Variants in MALRD1 observed in about 807,000 individuals in gnomAD.
The protein encoded by MALRD1 is MAM and LDL-receptor class A domain-containing protein 1.
MALRD1 carries 247 observed loss-of-function variants against 242.1 expected under a neutral mutation model. The observed-to-expected ratio is 1.02, with a 90% CI of 0.92 to 1.13. The LOEUF (loss-of-function observed/expected upper bound fraction) is 1.13, where lower values mean the gene tolerates loss of function less well. Ranked by LOEUF, MALRD1 falls within the 50% of genes most tolerant of loss-of-function variation. The pLI is 0.00. For missense variants in MALRD1, 2,989 were observed against 2,533.1 expected (o/e 1.18, Z -3.86); for synonymous variants, 995 against 866.6 (o/e 1.15, Z -2.60).
In MALRD1 at chr10:19,348,046, A is replaced by C. The variant is rs1478612344; in HGVS notation, c.4149+28A>C. On this transcript the variant is annotated intron_variant, in intron 25 of 39. Coordinates refer to ENST00000454679, the MANE Select transcript of MALRD1 (RefSeq NM_001142308.3). ...ATGGGGAAAATCGAACCAACCAACC[A>C]AACAAACACAGAATTATTGTGAGCA... The C allele has an allele frequency of 3.2e-6, 5 of 1,541,616 alleles. No individual in the cohort carries two copies. In the African/African-American group the frequency reaches 4.1e-5, roughly 13 times the overall value.
At chr10:19,175,933 A>C (rs1209094913) in intron 14 of MALRD1, among the ~76,000 whole-genome samples, 2 of 152,138 alleles carry the variant, frequency 1.3e-5, no homozygotes, top group Admixed American at 1.3e-4. Context: ...ATAGTCAACT[A>C]TGTATTTTAA....
intron 33 of MALRD1, among the ~76,000 whole-genome samples, chr10:19,572,701 A>G (rs1339547605): frequency 6.6e-6 from 1 of 152,202 alleles, no homozygotes; most frequent in Non-Finnish European, 1.5e-5. Flanking sequence ...ATTTTGAAGT[A>G]CGGTGGGCCC....
At chr10:19,389,075 T>A (rs1183796962) in intron 27 of MALRD1, 2 of 351,548 alleles carry the variant, frequency 5.7e-6, no homozygotes, top group Non-Finnish European at 1.1e-5. Flanking sequence ...GATGACTAAA[T>A]TTTTAAAAGC....
In MALRD1 at chr10:19,175,295, A is replaced by G; in HGVS notation, c.1918A>G (p.Lys640Glu). The change falls in exon 14 of 40, where the codon AAA becomes GAA. Residue 640 changes from lysine (K) to glutamate (E), a missense_variant. Transcript: ENST00000454679. ...GTCCCAGGAATGTGAAATTTCCTAT[A>G]AATCACTACCAAGGACCAGTACACA... ...SVSQECEISY[K>E]SLPRTSTQSK... 1 of 1,230,622 alleles carries G rather than the reference A, an allele frequency of 8.1e-7. No individual in the cohort carries two copies. The highest frequency in any genetic ancestry group is 1.0e-6 in the Non-Finnish European group (1 of 987,338). 76.2% of individuals were successfully genotyped at this position (1,230,622 alleles called of 1,614,324 possible).
chr10:19,231,236 G>GAGATTAGCTGAGGTATTTGCCCTT (rs1838053168), intron 18 of MALRD1, among the ~76,000 whole-genome samples: 1 of 152,138 alleles, frequency 6.6e-6, no homozygotes, highest in South Asian at 2.1e-4. Context: ...GCTCCCCCTT[G>GAGATTAGCTGAGGTATTTGCCCTT]AGATTAGCTG....
At chr10:19,275,536 G>T (rs778860338) in intron 19 of MALRD1, among the ~76,000 whole-genome samples, 2 of 152,180 alleles carry the variant, frequency 1.3e-5, no homozygotes, top group Non-Finnish European at 2.9e-5. Context: ...TGGCGTGGTG[G>T]CGGGCGCCTG....
chr10:19,535,508 C>T (rs112498444), intron 32 of MALRD1, among the ~76,000 whole-genome samples: 2 of 148,178 alleles, frequency 1.3e-5, no homozygotes, highest in African/African-American at 5.0e-5. Flanking sequence ...CATATATATA[C>T]ACATATATAC....
At chr10:19,390,131 C>A (rs1434594541) in intron 28 of MALRD1, among the ~76,000 whole-genome samples, 1 of 152,128 alleles carries the variant, frequency 6.6e-6, no homozygotes, top group Non-Finnish European at 1.5e-5. Flanking sequence ...TGACTGAATC[C>A]CAGAGACTCA....
At chr10:19,691,896 T>C (rs1439552190) in intron 36 of MALRD1, among the ~76,000 whole-genome samples, 1 of 152,156 alleles carries the variant, frequency 6.6e-6, no homozygotes, top group African/African-American at 2.4e-5. Flanking sequence ...CTGTTGGTTT[T>C]CTGAAATGAC....
chr10:19,449,810 C>G (rs1302327144), intron 28 of MALRD1, among the ~76,000 whole-genome samples: 2 of 152,082 alleles, frequency 1.3e-5, no homozygotes, highest in Non-Finnish European at 2.9e-5. Flanking sequence ...GTATAGCAAA[C>G]CTGCACACGT....
At chr10:19,715,273 T>G (rs1470252764) in intron 38 of MALRD1, among the ~76,000 whole-genome samples, 1 of 151,778 alleles carries the variant, frequency 6.6e-6, no homozygotes, top group Non-Finnish European at 1.5e-5. Context: ...TATCAAGACT[T>G]ACCATATAAG....
intron 31 of MALRD1, among the ~76,000 whole-genome samples, chr10:19,525,566 G>A (rs987322858): frequency 1.3e-5 from 2 of 152,130 alleles, no homozygotes; most frequent in Non-Finnish European, 2.9e-5. Flanking sequence ...AGATTTTAAG[G>A]TAAAAGTTGA....
intron 24 of MALRD1, among the ~76,000 whole-genome samples, chr10:19,345,106 G>A (rs1274049817): frequency 2.0e-5 from 3 of 152,072 alleles, no homozygotes; most frequent in Non-Finnish European, 4.4e-5. Flanking sequence ...ACAGTGACGT[G>A]AAATTCAAAC....
intron 12 of MALRD1, among the ~76,000 whole-genome samples, chr10:19,161,570 A>C (rs1339362771): frequency 6.7e-6 from 1 of 148,350 alleles, no homozygotes. Context: ...AAAAAAAAGA[A>C]AATTTCCTTT....
chr10:19,351,972 A>T (rs1446936348), intron 25 of MALRD1, 34 bp from the exon 26 acceptor site: 9 of 1,451,882 alleles, frequency 6.2e-6, no homozygotes, highest in Middle Eastern at 1.9e-4. Flanking sequence ...TATACTAATC[A>T]TATCGTATGT....
chr10:19,385,773 C>T (rs770411336), intron 26 of MALRD1, among the ~76,000 whole-genome samples: 1 of 151,800 alleles, frequency 6.6e-6, no homozygotes, highest in South Asian at 2.1e-4. Context: ...CTGCTAACTT[C>T]GGCCTTAGTT....
intron 38 of MALRD1, among the ~76,000 whole-genome samples, chr10:19,711,492 A>G (rs757176306): frequency 1.3e-5 from 2 of 152,346 alleles, no homozygotes; most frequent in African/African-American, 4.8e-5. Context: ...TATATCAAAC[A>G]TATACAATCA....
intron 12 of MALRD1, among the ~76,000 whole-genome samples, chr10:19,158,447 A>G (rs1834259349): frequency 1.3e-5 from 2 of 152,244 alleles, no homozygotes; most frequent in South Asian, 4.1e-4. Context: ...AACCAGAGAT[A>G]GGTTGGATCC....
At chr10:19,400,357 G>A (rs1458464446) in intron 28 of MALRD1, among the ~76,000 whole-genome samples, 1 of 152,178 alleles carries the variant, frequency 6.6e-6, no homozygotes, top group Non-Finnish European at 1.5e-5. Flanking sequence ...TTTGAATTCA[G>A]TGGCGGTGTG....
Sources: allele counts gnomAD v4.1 joint callset (sites outside exome capture counted in the v4.1 genomes callset), GRCh38; gene constraint gnomAD v4.1.1; transcripts MANE v1.5; gene names NCBI Gene and HGNC (gene_info 2026-07-23, HGNC 2026-07-21).